VPS13C: variants seen among roughly 807,000 people sequenced by gnomAD.
VPS13C encodes the protein vacuolar protein sorting 13 homolog C.
VPS13C carries 358 observed loss-of-function variants against 456.8 expected under a neutral mutation model. The ratio of observed to expected loss-of-function variants is 0.78; its 90% CI spans 0.72 to 0.86. VPS13C has a LOEUF of 0.86. Ranked by LOEUF, VPS13C falls within the 40% of genes least tolerant of loss-of-function variation. The probability of loss-of-function intolerance (pLI) is 0.00; values close to 1 mark genes in which losing one functional copy is unlikely to be tolerated. For synonymous variants in VPS13C, 1,578 were observed against 1,486.7 expected (o/e 1.06, Z -1.41); for missense variants, 4,818 against 4,385.4 (o/e 1.10, Z -2.79).
rs751399185 is a variant in VPS13C at position 61,890,350 on chromosome 15, T to C, written c.9156A>G (p.Val3052=). Residue 3052 remains valine (V), a synonymous_variant, in exon 67 of 85, where the codon GTA becomes GTG. Transcript: ENST00000644861. The stretch of plus-strand genomic sequence containing the variant: ...CTCTCTGGCGCCCATCCAGAAATGA[T>C]ACCCAGTGTATCTGGATGTTTGCAT... ...PYDANIQIHW[V]SFLDGRQRVL... 6.2e-6 allele frequency: 10 copies of C among 1,613,938 alleles called. No homozygotes were observed. Among genetic ancestry groups the C allele is most frequent in the Middle Eastern group, 1.6e-4 (1 of 6,084 alleles).
rs111946985 is a variant in VPS13C at position 62,008,535 on chromosome 15, C to G, written c.1118+120G>C. On this transcript the variant is annotated intron_variant, in intron 14 of 84. Transcript: ENST00000644861. Reference sequence around the variant, plus strand: ...TATATTTACCATTTGTCTTTTAATACTCTTGTCTCTTTTTTTAAAGTGGCT... The same window carrying G: ...TATATTTACCATTTGTCTTTTAATAGTCTTGTCTCTTTTTTTAAAGTGGCT... 1.2e-4 allele frequency: 62 copies of G among 538,744 alleles called. 2 individuals carry two copies. Among genetic ancestry groups the G allele is most frequent in the African/African-American group, 8.6e-4 (44 of 51,322 alleles). The allele number at this position is 538,744 out of a possible 1,614,324, so 33.4% of individuals were successfully genotyped here.
chr15:62,054,454 T>A (rs943729634), intron 1 of VPS13C, among the ~76,000 whole-genome samples: 2 of 152,158 alleles, frequency 1.3e-5, no homozygotes, highest in African/African-American at 4.8e-5. Context: ...TATCACTCAA[T>A]AGAAGATTGA....
intron 67 of VPS13C, among the ~76,000 whole-genome samples, chr15:61,886,002 G>A (rs1342915791): frequency 6.6e-6 from 1 of 152,062 alleles, no homozygotes; most frequent in Non-Finnish European, 1.5e-5. Context: ...GACTATTGAG[G>A]TTGTTCTGAA....
At chr15:61,869,061 T>G (rs572317579) in intron 80 of VPS13C, among the ~76,000 whole-genome samples, 30 of 152,200 alleles carry the variant, frequency 2.0e-4, no homozygotes, top group Non-Finnish European at 3.4e-4. Context: ...AATAAACATT[T>G]GTTGAATAAA....
chr15:62,044,088 C>A (rs141293777), intron 2 of VPS13C, 124 bp downstream of exon 2: 3 of 595,686 alleles, frequency 5.0e-6, no homozygotes, highest in Non-Finnish European at 8.4e-6. Context: ...AATAGTTGAA[C>A]AAGTAATCCC....
chr15:61,942,140 A>C, intron 45 of VPS13C, 73 bp from the exon 46 acceptor site: 1 of 1,297,224 alleles, frequency 7.7e-7, no homozygotes, highest in Non-Finnish European at 1.0e-6. Flanking sequence ...AAAAGCATTT[A>C]CTTTAAAAAC....
chr15:62,023,643 T>C, intron 7 of VPS13C, 123 bp from the exon 8 acceptor site: 3 of 1,095,986 alleles, frequency 2.7e-6, no homozygotes, highest in Non-Finnish European at 3.9e-6. Flanking sequence ...TCTTTATTTA[T>C]ATTTTAATAT....
intron 64 of VPS13C, 58 bp downstream of exon 64, chr15:61,910,119 A>G: frequency 9.9e-7 from 1 of 1,013,350 alleles, no homozygotes; most frequent in Non-Finnish European, 1.2e-6. Context: ...TAGAACTTAA[A>G]GTATAATAAA....
chr15:61,919,423 T>C lies in VPS13C; in HGVS notation c.7504A>G (p.Asn2502Asp), dbSNP rs1228086306. Reference sequence around the variant, plus strand: ...CGTCCAGGTCTGGCCACAGGGATATTTGCAACTTCTGTATATCCATGAGGT... The same window carrying C: ...CGTCCAGGTCTGGCCACAGGGATATCTGCAACTTCTGTATATCCATGAGGT... ...IVPHGYTEVA[N>D]IPVARPGRRL... Residue 2502 changes from asparagine (N) to aspartate (D), a missense_variant, in exon 58 of 85, where the codon AAT becomes GAT. By Grantham distance (23) the Asn-to-Asp change is conservative. This residue lies in a region of VPS13C where 4,552 missense variants were observed against 4,130.6 expected (regional missense o/e 1.10). Transcript: ENST00000644861. 10 of 1,589,276 alleles carry C rather than the reference T, an allele frequency of 6.3e-6. No individual in the cohort carries two copies. Among genetic ancestry groups the C allele is most frequent in the Non-Finnish European group, 8.5e-6 (10 of 1,170,754 alleles).
chr15:61,882,418 G>A (rs181911750), intron 69 of VPS13C, among the ~76,000 whole-genome samples, 178 bp downstream of exon 69: 1 of 152,244 alleles, frequency 6.6e-6, no homozygotes, highest in African/African-American at 2.4e-5. Flanking sequence ...AGTCTTAACA[G>A]TCACGAAGTT....
chr15:61,876,978 C>T lies in VPS13C; in HGVS notation c.10219G>A (p.Glu3407Lys). Reference protein sequence around the residue: ...LIWSVVRHYSEQFLKQMYVLV... With the variant: ...LIWSVVRHYSKQFLKQMYVLV... ...ATACTATGATAGGAAATTACCTGTT[C>T]ACTGTAATGCCTAACAACACTCCAT... Residue 3407 changes from glutamate (E) to lysine (K), a missense_variant, in exon 75 of 85, where the codon GAA becomes AAA. By Grantham distance (56) the Glu-to-Lys change is moderately conservative (BLOSUM62 1). Around this residue, in one of 3 missense-constraint regions of VPS13C, gnomAD observed 4,552 missense variants for 4,130.6 expected, o/e 1.10. Transcript: ENST00000644861. 2 of 1,599,138 alleles carry T rather than the reference C, an allele frequency of 1.3e-6. No individual in the cohort carries two copies. The highest frequency in any genetic ancestry group is 1.7e-6 in the Non-Finnish European group (2 of 1,172,352).
intron 13 of VPS13C, 37 bp from the exon 14 acceptor site, chr15:62,008,798 G>T: frequency 8.3e-7 from 1 of 1,205,300 alleles, no homozygotes; most frequent in Non-Finnish European, 1.1e-6. Flanking sequence ...TTATTACACT[G>T]TATATATAAA....
At chr15:61,854,849 G>C in intron 84 of VPS13C, 22 bp downstream of exon 84, 1 of 1,585,514 alleles carries the variant, frequency 6.3e-7, no homozygotes, top group Non-Finnish European at 8.5e-7. Flanking sequence ...AAAAATTGAG[G>C]CATGCTCTTT....
At chr15:61,926,414 A>G (rs2043851530) in intron 52 of VPS13C, among the ~76,000 whole-genome samples, 1 of 152,202 alleles carries the variant, frequency 6.6e-6, no homozygotes, top group Non-Finnish European at 1.5e-5. Context: ...AAGAGAAAGA[A>G]TTAGGAAGAG....
At chr15:62,002,667 T>G (rs1463322660) in intron 15 of VPS13C, among the ~76,000 whole-genome samples, 1 of 149,332 alleles carries the variant, frequency 6.7e-6, no homozygotes, top group Admixed American at 6.8e-5. Flanking sequence ...AACGTTTAAG[T>G]CTTTAATCCA....
intron 18 of VPS13C, among the ~76,000 whole-genome samples, chr15:61,986,126 G>A (rs1260096401): frequency 2.0e-5 from 3 of 146,986 alleles, no homozygotes; most frequent in South Asian, 2.2e-4. Flanking sequence ...CACACACACC[G>A]GTACACACAC....
chr15:61,998,871 C>A (rs2046489266), intron 16 of VPS13C, among the ~76,000 whole-genome samples: 1 of 152,154 alleles, frequency 6.6e-6, no homozygotes, highest in Non-Finnish European at 1.5e-5. Flanking sequence ...ATGTGAAGAC[C>A]TTTATGGTGA....
intron 66 of VPS13C, among the ~76,000 whole-genome samples, chr15:61,900,443 A>C (rs1292511382): frequency 1.3e-5 from 2 of 152,240 alleles, no homozygotes; most frequent in South Asian, 4.1e-4. Context: ...ATGTACAAAA[A>C]TCACAAGTAT....
intron 27 of VPS13C, among the ~76,000 whole-genome samples, chr15:61,971,134 G>C (rs926521474): frequency 6.6e-6 from 1 of 152,196 alleles, no homozygotes; most frequent in Non-Finnish European, 1.5e-5. Context: ...GTCATATGAG[G>C]TGTTACAAAT....
Sources: allele counts gnomAD v4.1 joint callset (sites outside exome capture counted in the v4.1 genomes callset), GRCh38; gene constraint gnomAD v4.1.1; regional missense constraint gnomAD v4.1.1; transcripts MANE v1.5; gene names NCBI Gene and HGNC (gene_info 2026-07-23, HGNC 2026-07-21).